The following ZNF730 variants were observed in gnomAD, a reference collection of about 807,000 sequenced individuals.
ZNF730 encodes putative zinc finger protein 730.
A neutral mutation model predicts 12.6 loss-of-function variants in ZNF730; 12 were observed. The ratio of observed to expected loss-of-function variants is 0.95; its 90% confidence interval spans 0.61 to 1.54. The LOEUF (loss-of-function observed/expected upper bound fraction) is 1.54. Among genes scored for constraint, ZNF730 ranks in the 40% most tolerant of loss-of-function variants. ZNF730 has a pLI of 0.00. For synonymous variants in ZNF730, 194 were observed against 195.8 expected, an observed-to-expected ratio of 0.99 and a Z score of 0.08; for missense variants, 643 against 583.5, an observed-to-expected ratio of 1.10 and a Z score of -1.05.
rs114551178 is a variant in ZNF730 at position 23,077,737 on chromosome 19, C to A, written c.-94+2350C>A. Among the ~76,000 whole-genome samples, 357 of 152,206 alleles carry A rather than the reference C, an allele frequency of 2.3e-3. 2 individuals carry two copies. The highest frequency in any genetic ancestry group is 6.8e-3 in the Middle Eastern group (2 of 294). ...GGTTACAGGCGTGAGGCACCACGCC[C>A]AGTCTGTGTGGGGAAAAGAGAGATC... On this transcript the variant is annotated intron_variant, in intron 1 of 2. Transcript: ENST00000593635.
In ZNF730 at chr19:23,117,849, T is replaced by G. The variant is rs372195382; in HGVS notation, c.3+673T>G. Among the ~76,000 whole-genome samples, 58 of 152,308 alleles carry G rather than the reference T, an allele frequency of 3.8e-4. 1 individual carries two copies. Among genetic ancestry groups the G allele is most frequent in the African/African-American group, 1.3e-3 (55 of 41,556 alleles). On this transcript the variant is annotated intron_variant, in intron 1 of 3. Coordinates refer to ENST00000597761, the MANE Select transcript of ZNF730 (RefSeq NM_001277403.2). ...TACGCCTAAATTTTGTTTTCCTTAA[T>G]GTAGTAATTTACAAAAAAATACATT...
At chr19:23,132,962 TA>T (rs1970763805) in intron 1 of ZNF730, among the ~76,000 whole-genome samples, 1 of 151,570 alleles carries the variant, frequency 6.6e-6, no homozygotes, top group Admixed American at 6.6e-5. Flanking sequence ...GGAGGGCCAC[TA>T]TTACAACAGT....
chr19:23,107,279 T>G (rs964039582), intron 1 of ZNF730, among the ~76,000 whole-genome samples: 2 of 151,346 alleles, frequency 1.3e-5, no homozygotes, highest in African/African-American at 4.9e-5. Flanking sequence ...GCCAGGCTGG[T>G]CTCAAACCCC....
At chr19:23,084,915 A>G (rs1970032185) in intron 1 of ZNF730, among the ~76,000 whole-genome samples, 1 of 152,230 alleles carries the variant, frequency 6.6e-6, no homozygotes. Flanking sequence ...ATAGTGCTGC[A>G]GTGAACATAC....
chr19:23,130,506 A>C (rs1039523267), intron 1 of ZNF730, among the ~76,000 whole-genome samples: 2 of 152,144 alleles, frequency 1.3e-5, no homozygotes. Context: ...TGCAAAAAAA[A>C]CTTGGGCTTT....
Position 23,102,087 on chromosome 19 carries a change from A to G in ZNF730, c.-94+26700A>G, listed in dbSNP as rs1255956764. On this transcript the variant is annotated intron_variant, in intron 1 of 2. Coordinates refer to the ZNF730 transcript ENST00000593635. The stretch of plus-strand genomic sequence containing the variant: ...TTGTCTACAGAGGGCCTTGTGACAT[A>G]TCTCTGCATCAGTCACCTAGGAAAT... Among the ~76,000 whole-genome samples, 7 of 152,090 alleles carry G rather than the reference A, an allele frequency of 4.6e-5. No individual in the cohort carries two copies. The East Asian group carries it at 1.4e-3, about 29-fold the overall frequency.
intron 3 of ZNF730, among the ~76,000 whole-genome samples, chr19:23,138,889 A>G (rs1970872753): frequency 6.6e-6 from 1 of 152,018 alleles, no homozygotes; most frequent in Non-Finnish European, 1.5e-5. Flanking sequence ...ATTTTTTTTC[A>G]GGGATTGCTG....
chr19:23,142,215 G>A (rs1385125906), intron 3 of ZNF730, among the ~76,000 whole-genome samples: 1 of 151,890 alleles, frequency 6.6e-6, no homozygotes, highest in Non-Finnish European at 1.5e-5. Context: ...AACTTAAGAT[G>A]TAGTTGCATA....
chr19:23,083,568 C>T (rs972409585), intron 1 of ZNF730, among the ~76,000 whole-genome samples: 1 of 151,468 alleles, frequency 6.6e-6, no homozygotes, highest in Non-Finnish European at 1.5e-5. Context: ...TATGTGTTTC[C>T]TCTTTATTAC....
chr19:23,137,002 C>G (rs144675937), intron 3 of ZNF730, among the ~76,000 whole-genome samples: 216 of 152,186 alleles, frequency 1.4e-3, no homozygotes, highest in African/African-American at 5.0e-3. Context: ...AACCCTGTCT[C>G]TACTAAAAAT....
chr19:23,132,222 ATTGTTAAGGCATATTC>A lies in ZNF730; in HGVS notation c.4-1856_4-1841del, dbSNP rs1314076557. Among the ~76,000 whole-genome samples the A allele has an allele frequency of 5.9e-5, 9 of 152,300 alleles. No individual in the cohort carries two copies. The East Asian group carries it at 1.7e-3, about 29-fold the overall frequency. ...TAGCAGGTAAAGATGTGGTGCTTAC[ATTGTTAAGGCATATTC>A]TCCAGATGCAGATGTAATTTGTTTC... is the stretch of plus-strand genomic sequence containing the variant. On this transcript the variant is annotated intron_variant, in intron 1 of 3. Coordinates refer to ENST00000597761, the MANE Select transcript of ZNF730 (RefSeq NM_001277403.2).
chr19:23,093,806 C>T (rs1056431181), intron 1 of ZNF730, among the ~76,000 whole-genome samples: 2 of 152,236 alleles, frequency 1.3e-5, no homozygotes, highest in Non-Finnish European at 2.9e-5. Context: ...GGGTCAGGGG[C>T]ATGGTGGGAA....
intron 1 of ZNF730, among the ~76,000 whole-genome samples, chr19:23,092,535 G>A (rs532014582): frequency 1.3e-5 from 2 of 152,264 alleles, no homozygotes; most frequent in South Asian, 4.1e-4. Flanking sequence ...GTTGCGGTGA[G>A]CCAAGATTGC....
chr19:23,138,704 A>G (rs1599600229), intron 3 of ZNF730, among the ~76,000 whole-genome samples: 1 of 152,126 alleles, frequency 6.6e-6, no homozygotes, highest in African/African-American at 2.4e-5. Context: ...AGAGTTTCAC[A>G]ACTTCCTTCC....
upstream of ZNF730, among the ~76,000 whole-genome samples, chr19:23,116,461 C>A (rs1970525140): frequency 6.6e-6 from 1 of 151,306 alleles, no homozygotes; most frequent in African/African-American, 2.4e-5. Flanking sequence ...GGCTGGAGTT[C>A]AGTGGTACGA....
At chr19:23,093,912 C>T (rs966097261) in intron 1 of ZNF730, among the ~76,000 whole-genome samples, 8 of 152,228 alleles carry the variant, frequency 5.3e-5, no homozygotes, top group Admixed American at 4.6e-4. Context: ...TGCCAGTTGG[C>T]TTTTCCTTCT....
intron 1 of ZNF730, among the ~76,000 whole-genome samples, chr19:23,120,517 A>G (rs1383886642): frequency 6.6e-6 from 1 of 151,822 alleles, no homozygotes; most frequent in Non-Finnish European, 1.5e-5. Flanking sequence ...GTCAGTGGTA[A>G]TGTCGCTTTT....
chr19:23,140,593 G>A (rs1159318187), intron 3 of ZNF730, among the ~76,000 whole-genome samples: 1 of 129,332 alleles, frequency 7.7e-6, no homozygotes, highest in East Asian at 2.3e-4. Flanking sequence ...CCTGGGCAAA[G>A]CAAGACTCGG....
chr19:23,128,013 G>A, intron 1 of ZNF730: 2 of 749,390 alleles, frequency 2.7e-6, no homozygotes, highest in Non-Finnish European at 4.9e-6. Flanking sequence ...CCTATGGCAT[G>A]GACAAGATCT....
Sources: gnomAD v4.1 joint callset for allele counts (sites outside exome capture counted in the v4.1 genomes callset) on GRCh38, gnomAD v4.1.1 for gene constraint, MANE v1.5 for transcripts, NCBI Gene and HGNC (gene_info 2026-07-23, HGNC 2026-07-21) for gene names.